The following MMS22L variants were observed in gnomAD, a reference collection of about 807,000 sequenced individuals.
MMS22L encodes the protein MMS22 like, DNA repair protein.
Under a neutral mutation model 159.1 loss-of-function variants are expected in MMS22L, and 74 were observed. The ratio of observed to expected loss-of-function variants is 0.47; its 90% CI spans 0.39 to 0.56. The LOEUF (loss-of-function observed/expected upper bound fraction) is 0.56, where lower values mean the gene tolerates loss of function less well. Among genes scored for constraint, MMS22L ranks in the 20% least tolerant of loss-of-function variants. The pLI is 0.00. For synonymous variants in MMS22L, 517 were observed against 506.9 expected, an observed-to-expected ratio of 1.02 and a Z score of -0.27; for missense variants, 1,351 against 1,422.1, an observed-to-expected ratio of 0.95 and a Z score of 0.80.
chr6:97,224,731 T>C (rs1466624074), intron 14 of MMS22L, among the ~76,000 whole-genome samples: 1 of 151,690 alleles, frequency 6.6e-6, no homozygotes, highest in Admixed American at 6.6e-5. Context: ...CATTCATCTC[T>C]AATTTTTTTT....
chr6:97,270,732 G>A (rs1460548220), intron 6 of MMS22L: 1 of 152,328 alleles, frequency 6.6e-6, no homozygotes, highest in Non-Finnish European at 1.5e-5. Flanking sequence ...GACAGAAATA[G>A]ATAACAAACA....
chr6:97,279,405 A>G (rs1816543433), intron 3 of MMS22L, among the ~76,000 whole-genome samples: 2 of 151,824 alleles, frequency 1.3e-5, no homozygotes, highest in Admixed American at 1.3e-4. Context: ...AATGGTGTGA[A>G]CCCAGGAGCT....
At position 97,229,124 on chromosome 6, in the gene MMS22L, T is replaced by G; in HGVS notation, c.1809A>C (p.Ala603=). Residue 603 remains alanine (A), a synonymous_variant, in exon 14 of 25, where the codon GCA becomes GCC. Transcript: ENST00000683635. ...CATTCTTAGACACCAAGAATTCCTTTGCTTTCTCCCGGAAAGCACATGAAA... is the reference window on the plus strand; with the variant it reads ...CATTCTTAGACACCAAGAATTCCTTGGCTTTCTCCCGGAAAGCACATGAAA... ...EKFSCAFREK[A]KEFLVSKNEE... The G allele has an allele frequency of 1.2e-6, 2 of 1,614,174 alleles. No homozygotes were observed. The highest frequency in any genetic ancestry group is 1.3e-5 in the African/African-American group (1 of 75,056).
At position 97,185,134 on chromosome 6, in the gene MMS22L, C is replaced by T. The variant is rs539196286; in HGVS notation, c.2233+1363G>A. The stretch of plus-strand genomic sequence containing the variant: ...CCACTCTATTTAAAATCACAACTGC[C>T]TCTGGCCTTCTGTATTCCTATCCTA... On this transcript the variant is annotated intron_variant, in intron 15 of 24. Transcript: ENST00000683635. 1.5e-4 allele frequency among the ~76,000 whole-genome samples: 23 copies of T among 152,140 alleles called. No individual in the cohort carries two copies. In the Middle Eastern group the frequency reaches 0.014, roughly 91 times the overall value.
At chr6:97,270,259 C>T (rs763857874) in intron 6 of MMS22L, 2 of 567,406 alleles carry the variant, frequency 3.5e-6, no homozygotes, top group South Asian at 1.5e-5. Flanking sequence ...AGGTACCTTC[C>T]AACCAACCTC....
At chr6:97,179,640 T>C (rs1804497795) in intron 16 of MMS22L, 81 bp from the exon 17 acceptor site, 3 of 1,287,596 alleles carry the variant, frequency 2.3e-6, no homozygotes, top group Non-Finnish European at 3.1e-6. Context: ...AAAAACATTC[T>C]AACATCCCTG....
Position 97,149,773 on chromosome 6 carries a change from A to G in MMS22L, c.3650+80T>C. On this transcript the variant is annotated intron_variant, in intron 24 of 24. Transcript: ENST00000683635. ...ACATACCCAAATTTTGGGGAATAAG[A>G]AAATAAATCATTTCTATAAAATGAA... 2.2e-6 allele frequency: 3 copies of G among 1,370,944 alleles called. No individual in the cohort carries two copies. In the South Asian group the frequency reaches 5.2e-5, roughly 24 times the overall value. 84.9% of individuals were successfully genotyped at this position (1,370,944 alleles called of 1,614,324 possible). A position where few individuals can be genotyped will look rare whatever the true frequency, so the allele number is the denominator to read the frequency against.
intron 14 of MMS22L, among the ~76,000 whole-genome samples, chr6:97,214,894 G>A (rs4342433): frequency 0.64 from 96,671 of 149,886 alleles, 32,657 homozygotes; most frequent in Non-Finnish European, 0.76. Context: ...TGTTACTGAT[G>A]ATGAAAAAAA....
rs939748242 is a variant in MMS22L, at chr6:97,155,986, G to T, written c.3386-4119C>A. 4.6e-5 allele frequency among the ~76,000 whole-genome samples: 7 copies of T among 152,234 alleles called. No homozygotes were observed. The East Asian group carries it at 1.2e-3, about 25-fold the overall frequency. ...TTCCTATTTCTCCACATCCTCTCCA[G>T]CATCTGTTGTTTCCTGACTTTTTAA... On this transcript the variant is annotated intron_variant, in intron 22 of 24. Transcript: ENST00000683635.
At chr6:97,187,840 C>T (rs957554191) in intron 14 of MMS22L, among the ~76,000 whole-genome samples, 1 of 152,036 alleles carries the variant, frequency 6.6e-6, no homozygotes, top group Non-Finnish European at 1.5e-5. Context: ...CGCATAACTA[C>T]CCAAGAGTGA....
chr6:97,195,335 C>T (rs1178102554), intron 14 of MMS22L, among the ~76,000 whole-genome samples: 1 of 152,008 alleles, frequency 6.6e-6, no homozygotes, highest in Non-Finnish European at 1.5e-5. Context: ...GGTTCCAGAC[C>T]ATGTAAGATC....
intron 22 of MMS22L, among the ~76,000 whole-genome samples, chr6:97,155,142 G>A (rs1801697559): frequency 6.6e-6 from 1 of 151,868 alleles, no homozygotes; most frequent in Non-Finnish European, 1.5e-5. Context: ...GATCATCTCT[G>A]CCTTTTCATT....
intron 14 of MMS22L, among the ~76,000 whole-genome samples, chr6:97,197,920 A>C (rs1806713712): frequency 6.6e-6 from 1 of 152,058 alleles, no homozygotes; most frequent in South Asian, 2.1e-4. Context: ...CCCACCCTGC[A>C]TCTCTATCTC....
At chr6:97,174,636 A>G (rs978240289) in intron 18 of MMS22L, among the ~76,000 whole-genome samples, 3 of 152,188 alleles carry the variant, frequency 2.0e-5, no homozygotes, top group Non-Finnish European at 2.9e-5. Context: ...GTGGTCACTC[A>G]TGAGCTGGAA....
chr6:97,164,035 G>C (rs1354226015), intron 21 of MMS22L, among the ~76,000 whole-genome samples: 1 of 151,938 alleles, frequency 6.6e-6, no homozygotes, highest in Non-Finnish European at 1.5e-5. Flanking sequence ...GAGTATTTTA[G>C]GAAAAGTAAT....
At chr6:97,224,305 A>G (rs1809984544) in intron 14 of MMS22L, among the ~76,000 whole-genome samples, 1 of 152,138 alleles carries the variant, frequency 6.6e-6, no homozygotes, top group Admixed American at 6.6e-5. Flanking sequence ...ATAGTGTCCC[A>G]CAGACTAACA....
chr6:97,188,598 T>C (rs1466058121), intron 14 of MMS22L, among the ~76,000 whole-genome samples: 1 of 152,174 alleles, frequency 6.6e-6, no homozygotes, highest in Non-Finnish European at 1.5e-5. Context: ...CACTTTTCTT[T>C]TTACACACTA....
At chr6:97,246,157 C>G (rs1263568341) in intron 11 of MMS22L, 4 of 453,794 alleles carry the variant, frequency 8.8e-6, no homozygotes, top group African/African-American at 8.0e-5. Flanking sequence ...ATTAACAGCT[C>G]TGCAGAAAGA....
chr6:97,282,517 T>G lies in MMS22L; in HGVS notation c.-40A>C. On this transcript the variant is annotated 5_prime_UTR_variant, in exon 2 of 25. Transcript: ENST00000683635. ...TCTGAAACACTTGGGGTTCGTCGTA[T>G]CATTAAGGGCTCCAAAGAGAAGGTG... The G allele has an allele frequency of 8.0e-7, 1 of 1,252,098 alleles. No homozygotes were observed. The allele number at this position is 1,252,098 out of a possible 1,614,324, so 77.6% of individuals were successfully genotyped here. A position where few individuals can be genotyped will look rare whatever the true frequency, so the allele number is the denominator to read the frequency against.
Sources: allele counts gnomAD v4.1 joint callset (sites outside exome capture counted in the v4.1 genomes callset), GRCh38; gene constraint gnomAD v4.1.1; transcripts MANE v1.5; gene names NCBI Gene and HGNC (gene_info 2026-07-23, HGNC 2026-07-21).